Variants in MAK observed in about 807,000 individuals in gnomAD.
MAK encodes male germ cell associated kinase, also known as serine/threonine-protein kinase MAK.
Under a neutral mutation model 82.6 loss-of-function variants are expected in MAK, and 65 were observed. That is an observed-to-expected ratio of 0.79 (90% CI 0.64 to 0.97). The LOEUF (loss-of-function observed/expected upper bound fraction) is 0.97, where lower values mean the gene tolerates loss of function less well. Among genes scored for constraint, MAK ranks in the 50% least tolerant of loss-of-function variants. MAK has a pLI of 0.00. For synonymous variants in MAK, 250 were observed against 274.2 expected (o/e 0.91, Z 0.87); for missense variants, 703 against 780.2 (o/e 0.90, Z 1.18).
intron 1 of MAK, among the ~76,000 whole-genome samples, chr6:10,837,103 G>C (rs1318201543): frequency 3.9e-5 from 6 of 152,196 alleles, no homozygotes; most frequent in African/African-American, 1.4e-4. Context: ...AAACTGAAGA[G>C]ATAAGGCTTG....
At chr6:10,832,056 C>T (rs1778850963) in intron 1 of MAK, among the ~76,000 whole-genome samples, 1 of 152,132 alleles carries the variant, frequency 6.6e-6, no homozygotes, top group South Asian at 2.1e-4. Context: ...GAGTCCTCAC[C>T]CCTGTCACCA....
At chr6:10,833,729 A>G (rs1778975175) in intron 1 of MAK, among the ~76,000 whole-genome samples, 1 of 152,140 alleles carries the variant, frequency 6.6e-6, no homozygotes, top group African/African-American at 2.4e-5. Flanking sequence ...AGCTAACTCC[A>G]TGGCCAGGAT....
chr6:10,813,014 C>G (rs887732719), intron 5 of MAK, among the ~76,000 whole-genome samples: 1 of 139,366 alleles, frequency 7.2e-6, no homozygotes, highest in African/African-American at 2.7e-5. Flanking sequence ...ATCCCCCCCC[C>G]CGCCTCGGCC....
In MAK at chr6:10,798,252, T is replaced by A. The variant is rs187689647; in HGVS notation, c.832-1943A>T. On this transcript the variant is annotated intron_variant, in intron 8 of 14. Transcript: ENST00000354489. ...GCCTCAGCCTCCCGAGTAGCTGGGA[T>A]TACAGGCACACGCCACCATGCCCAG... Among the ~76,000 whole-genome samples the A allele has an allele frequency of 1.2e-3, 180 of 151,804 alleles. 2 individuals carry two copies. Among genetic ancestry groups the A allele is most frequent in the African/African-American group, 3.8e-3 (157 of 41,352 alleles).
chr6:10,762,822 T>C lies in MAK; in HGVS notation c.*1630A>G, dbSNP rs1772079761. 6.6e-6 allele frequency: 1 copy of C among 152,596 alleles called. No individual in the cohort carries two copies. The highest frequency in any genetic ancestry group is 2.4e-5 in the African/African-American group (1 of 41,430). 9.5% of individuals were successfully genotyped at this position (152,596 alleles called of 1,614,324 possible). ...CATTAATTTAAACTGTACAAATACA[T>C]ATAACCATTACCACTAGGATAAATT... On this transcript the variant is annotated 3_prime_UTR_variant, in exon 15 of 15. Transcript: ENST00000354489.
chr6:10,829,655 C>T (rs1454359767), intron 2 of MAK, among the ~76,000 whole-genome samples: 1 of 152,120 alleles, frequency 6.6e-6, no homozygotes. Context: ...ATGTATTATA[C>T]ATATAAAAAA....
At position 10,796,277 on chromosome 6, in the gene MAK, C is replaced by T. The variant is rs766693820; in HGVS notation, c.864G>A (p.Gln288=). Reference sequence around the variant, plus strand: ...GATGATTTGACGAAGGGCCTAATACCTGACCAACTTGAAAATATGGGTGTT... The same window carrying T: ...GATGATTTGACGAAGGGCCTAATACTTGACCAACTTGAAAATATGGGTGTT... The part of the protein sequence containing the change: ...ALKHPYFQVG[Q]VLGPSSNHLE... The change falls in exon 9 of 15, where the codon CAG becomes CAA. Residue 288 remains glutamine, a synonymous_variant. Coordinates refer to ENST00000354489, the MANE Select transcript of MAK (RefSeq NM_001242957.3). 1.9e-6 allele frequency: 3 copies of T among 1,613,958 alleles called. No individual in the cohort carries two copies. Among genetic ancestry groups the T allele is most frequent in the Non-Finnish European group, 2.5e-6 (3 of 1,180,018 alleles).
chr6:10,792,128 G>C (rs375270362), intron 9 of MAK, among the ~76,000 whole-genome samples: 15 of 115,124 alleles, frequency 1.3e-4, no homozygotes, highest in African/African-American at 5.6e-4. Flanking sequence ...GAAGGATCTG[G>C]AAACCTGAGA....
At chr6:10,831,155 T>A (rs907908435) in intron 1 of MAK, among the ~76,000 whole-genome samples, 2 of 152,180 alleles carry the variant, frequency 1.3e-5, no homozygotes, top group Non-Finnish European at 2.9e-5. Context: ...ATAATCTACA[T>A]TATTCCAAAT....
At chr6:10,777,191 G>A (rs1773532576) in intron 11 of MAK, among the ~76,000 whole-genome samples, 1 of 152,094 alleles carries the variant, frequency 6.6e-6, no homozygotes, top group Admixed American at 6.6e-5. Flanking sequence ...TGGATCACCT[G>A]AGGTCAGGAG....
At position 10,784,592 on chromosome 6, in the gene MAK, T is replaced by G. The variant is rs1343886547; in HGVS notation, c.1317-20A>C. On this transcript the variant is annotated intron_variant, in intron 10 of 14. Coordinates refer to ENST00000354489, the MANE Select transcript of MAK (RefSeq NM_001242957.3). ...GGAAGCCTTGAAAGCCAATGAAAGG[T>G]AGCATTACAGCACGAACAACGAGAG... The G allele has an allele frequency of 1.3e-6, 2 of 1,581,648 alleles. No individual in the cohort carries two copies. Among genetic ancestry groups the G allele is most frequent in the Admixed American group, 3.5e-5 (2 of 57,240 alleles).
chr6:10,823,342 C>T (rs1778102306), intron 2 of MAK, among the ~76,000 whole-genome samples: 1 of 152,148 alleles, frequency 6.6e-6, no homozygotes, highest in Non-Finnish European at 1.5e-5. Context: ...CTGAACTTCT[C>T]TAATTCCAAT....
intron 11 of MAK, among the ~76,000 whole-genome samples, chr6:10,783,184 T>G (rs1051625629): frequency 5.3e-5 from 8 of 152,210 alleles, no homozygotes; most frequent in Non-Finnish European, 5.9e-5. Flanking sequence ...AAGATGTATC[T>G]GTGTAGATAC....
chr6:10,788,603 C>G (rs1774798189), intron 10 of MAK, among the ~76,000 whole-genome samples: 1 of 151,978 alleles, frequency 6.6e-6, no homozygotes, highest in Non-Finnish European at 1.5e-5. Flanking sequence ...CGTGGTGGCA[C>G]ACGCCTGTAA....
intron 2 of MAK, among the ~76,000 whole-genome samples, chr6:10,824,512 A>G (rs543956727): frequency 4.6e-4 from 70 of 151,160 alleles, no homozygotes; most frequent in Middle Eastern, 6.9e-3. Context: ...CACGTTCTGA[A>G]CATCCCCTTC....
intron 5 of MAK, 104 bp downstream of exon 5, chr6:10,813,540 A>G (rs2127571885): frequency 2.7e-6 from 2 of 752,522 alleles, no homozygotes; most frequent in Middle Eastern, 2.9e-4. Flanking sequence ...CTCCAGATTC[A>G]TAGTTATCCA....
intron 10 of MAK, among the ~76,000 whole-genome samples, chr6:10,789,789 G>A (rs956477835): frequency 3.9e-5 from 6 of 152,144 alleles, no homozygotes; most frequent in Admixed American, 1.3e-4. Flanking sequence ...CTGAGTAGCT[G>A]GGATTACAGG....
At chr6:10,821,478 G>A (rs1284437681) in intron 2 of MAK, among the ~76,000 whole-genome samples, 1 of 151,396 alleles carries the variant, frequency 6.6e-6, no homozygotes, top group Non-Finnish European at 1.5e-5. Context: ...GTTTTGCCAT[G>A]TTGGCCAGGC....
intron 5 of MAK, among the ~76,000 whole-genome samples, chr6:10,811,517 G>T (rs1776930369): frequency 6.6e-6 from 1 of 152,148 alleles, no homozygotes. Context: ...AATCCCTTAT[G>T]CTTCAGACGT....
Sources: allele counts gnomAD v4.1 joint callset (sites outside exome capture counted in the v4.1 genomes callset), GRCh38; gene constraint gnomAD v4.1.1; transcripts MANE v1.5; gene names NCBI Gene and HGNC (gene_info 2026-07-23, HGNC 2026-07-21).